The following MBNL1 variants were observed in gnomAD, a reference collection of about 807,000 sequenced individuals.
The protein encoded by MBNL1 is muscleblind-like protein 1.
Under a neutral mutation model 42.2 loss-of-function variants are expected in MBNL1, and 8 were observed. The ratio of observed to expected loss-of-function variants is 0.19; its 90% CI spans 0.11 to 0.34. MBNL1 has a LOEUF of 0.34. Ranked by LOEUF, MBNL1 falls within the 10% of genes least tolerant of loss-of-function variation. The probability of loss-of-function intolerance (pLI) is 1.00; values close to 1 mark genes in which losing one functional copy is unlikely to be tolerated. For missense variants in MBNL1, 309 were observed against 495.3 expected (o/e 0.62, Z 3.57); for synonymous variants, 169 against 173.9 (o/e 0.97, Z 0.22).
intron 4 of MBNL1, among the ~76,000 whole-genome samples, chr3:152,434,210 C>T (rs959379932): frequency 6.6e-6 from 1 of 152,180 alleles, no homozygotes; most frequent in Non-Finnish European, 1.5e-5. Flanking sequence ...TCCCACCATC[C>T]ACCCTCAAAT....
At chr3:152,366,133 G>A (rs1228855009) in intron 2 of MBNL1, among the ~76,000 whole-genome samples, 3 of 152,058 alleles carry the variant, frequency 2.0e-5, no homozygotes, top group Admixed American at 2.0e-4. Context: ...AGAAAAAAAA[G>A]AGTAATTTTG....
chr3:152,436,310 T>C (rs577963830), intron 4 of MBNL1, among the ~76,000 whole-genome samples: 2 of 152,290 alleles, frequency 1.3e-5, no homozygotes, highest in Non-Finnish European at 2.9e-5. Context: ...TAATTCTCTT[T>C]TACAGGGAAA....
intron 2 of MBNL1, among the ~76,000 whole-genome samples, chr3:152,375,581 G>A (rs1697220135): frequency 1.3e-5 from 2 of 152,140 alleles, no homozygotes; most frequent in Non-Finnish European, 2.9e-5. Context: ...ATTGGTATTA[G>A]GTCTTCTTCA....
At chr3:152,268,559 C>T, upstream of MBNL1, 1 of 349,262 alleles carries the variant, frequency 2.9e-6, no homozygotes, top group Non-Finnish European at 5.7e-6. Context: ...AGCGGGAGGG[C>T]GTCCGGTCTG....
chr3:152,387,184 A>G lies in MBNL1; in HGVS notation c.175-27757A>G, dbSNP rs114283264. On this transcript the variant is annotated intron_variant, in intron 2 of 9. Coordinates refer to ENST00000324210, the MANE Select transcript of MBNL1 (RefSeq NM_021038.5). ...ATAATCAGGTGTTGTATCTTTTGTAATTATTTCAGAGCGCTTTATCTGAAA... is the reference window on the plus strand; with the variant it reads ...ATAATCAGGTGTTGTATCTTTTGTAGTTATTTCAGAGCGCTTTATCTGAAA... Among the ~76,000 whole-genome samples, 839 of 151,894 alleles carry G rather than the reference A, an allele frequency of 5.5e-3. 9 individuals are homozygous for G. Among genetic ancestry groups the G allele is most frequent in the African/African-American group, 0.02 (810 of 41,430 alleles).
chr3:152,375,691 T>C (rs553880900), intron 2 of MBNL1, among the ~76,000 whole-genome samples: 13 of 152,230 alleles, frequency 8.5e-5, no homozygotes, highest in African/African-American at 2.9e-4. Flanking sequence ...CTTCGATGTG[T>C]GCCTGTAGTC....
intron 2 of MBNL1, among the ~76,000 whole-genome samples, chr3:152,356,807 A>G (rs995300636): frequency 2.0e-5 from 3 of 151,884 alleles, no homozygotes; most frequent in African/African-American, 7.3e-5. Context: ...GATAAAAAAT[A>G]CAGTTACTTT....
chr3:152,340,513 A>G (rs2092871596), intron 2 of MBNL1: 1 of 1,572,498 alleles, frequency 6.4e-7, no homozygotes. Flanking sequence ...AAAATAGTGG[A>G]AGTTGGGAGA....
intron 1 of MBNL1, among the ~76,000 whole-genome samples, chr3:152,293,770 T>TTGCCTATATTTGCTTTAGAAGAA (rs1195334035): frequency 1.3e-5 from 2 of 152,218 alleles, no homozygotes; most frequent in Non-Finnish European, 2.9e-5. Flanking sequence ...ACTGGACTGA[T>TTGCCTATATTTGCTTTAGAAGAA]TGCCTATATT....
Position 152,432,763 on chromosome 3 carries a change from C to T in MBNL1, c.392C>T (p.Ala131Val). 6.2e-7 allele frequency: 1 copy of T among 1,614,210 alleles called. No individual in the cohort carries two copies. The highest frequency in any genetic ancestry group is 8.5e-7 in the Non-Finnish European group (1 of 1,180,032). Residue 131 changes from alanine (A) to valine (V), a missense_variant, in exon 4 of 10, where the codon GCC becomes GTC. Ala to Val is a moderately conservative substitution (Grantham distance 64). Coordinates refer to ENST00000324210, the MANE Select transcript of MBNL1 (RefSeq NM_021038.5). The stretch of plus-strand genomic sequence containing the variant: ...AGCTTAGCCACCAATGCATCAGCAG[C>T]CGCCTTTAATCCCTATCTGGGACCT... ...APSLATNASA[A>V]AFNPYLGPVS...
chr3:152,318,725 A>C (rs1234909322), intron 2 of MBNL1, among the ~76,000 whole-genome samples: 1 of 152,164 alleles, frequency 6.6e-6, no homozygotes, highest in Non-Finnish European at 1.5e-5. Flanking sequence ...TACTACATAG[A>C]TCTTTGAAAA....
At chr3:152,258,880 A>T (rs2035831630) in intron 2 of MBNL1, among the ~76,000 whole-genome samples, 1 of 152,206 alleles carries the variant, frequency 6.6e-6, no homozygotes, top group Non-Finnish European at 1.5e-5. Context: ...CTTTCCCACA[A>T]GTTCAAGAGT....
chr3:152,415,081 C>G lies in MBNL1; in HGVS notation c.315C>G (p.Ala105=). The G allele has an allele frequency of 1.2e-6, 2 of 1,600,268 alleles. No homozygotes were observed. Among genetic ancestry groups the G allele is most frequent in the Non-Finnish European group, 1.7e-6 (2 of 1,174,852 alleles). Residue 105 remains alanine (A), a synonymous_variant, in exon 3 of 10, where the codon GCC becomes GCG. Coordinates refer to ENST00000324210, the MANE Select transcript of MBNL1 (RefSeq NM_021038.5). ...CCCAGCAAATGCAACTAGCCAATGC[C>G]ATGATGCCTGGTGCCCCATTACAAC... ...MLAQQMQLAN[A]MMPGAPLQPV...
At chr3:152,303,534 T>G (rs1024056539) in intron 2 of MBNL1, among the ~76,000 whole-genome samples, 1 of 152,176 alleles carries the variant, frequency 6.6e-6, no homozygotes, top group African/African-American at 2.4e-5. Context: ...CTATGGCTTG[T>G]GAAAGAGATA....
At chr3:152,362,212 T>G (rs2096015352) in intron 2 of MBNL1, among the ~76,000 whole-genome samples, 1 of 152,220 alleles carries the variant, frequency 6.6e-6, no homozygotes, top group African/African-American at 2.4e-5. Flanking sequence ...CTGATTGACT[T>G]GCAGATTGCA....
At chr3:152,353,982 C>G (rs1291744049) in intron 2 of MBNL1, among the ~76,000 whole-genome samples, 1 of 152,050 alleles carries the variant, frequency 6.6e-6, no homozygotes, top group Non-Finnish European at 1.5e-5. Flanking sequence ...AATTTGGTTG[C>G]TACATGATAG....
intron 8 of MBNL1, chr3:152,457,600 A>C (rs1221855716): frequency 2.0e-5 from 3 of 152,468 alleles, no homozygotes; most frequent in Admixed American, 2.0e-4. Context: ...AATTTTTCAG[A>C]AGCTTGTCAA....
At chr3:152,355,800 A>G (rs1376458477) in intron 2 of MBNL1, among the ~76,000 whole-genome samples, 3 of 152,340 alleles carry the variant, frequency 2.0e-5, no homozygotes, top group East Asian at 3.9e-4. Flanking sequence ...TTATCTACTA[A>G]GTGTGTGACT....
intron 2 of MBNL1, among the ~76,000 whole-genome samples, chr3:152,303,022 TAA>T (rs10572799): frequency 0.016 from 2,390 of 147,516 alleles, 47 homozygotes; most frequent in East Asian, 0.057. Flanking sequence ...TTTATTTCAT[TAA>T]AAAAAAAAAA....
Sources: gnomAD v4.1 joint callset for allele counts (sites outside exome capture counted in the v4.1 genomes callset) on GRCh38, gnomAD v4.1.1 for gene constraint, MANE v1.5 for transcripts, NCBI Gene and HGNC (gene_info 2026-07-23, HGNC 2026-07-21) for gene names.